Variants in LRMDA observed in about 807,000 individuals in gnomAD.
The protein encoded by LRMDA is leucine-rich melanocyte differentiation-associated protein.
Under a neutral mutation model 29.8 loss-of-function variants are expected in LRMDA, and 18 were observed. That is an observed-to-expected ratio of 0.60 (90% CI 0.42 to 0.90). LRMDA has a LOEUF of 0.90. LRMDA is among the 40% of genes least tolerant of loss of function. The pLI is 0.00. For missense variants in LRMDA, 273 were observed against 273.9 expected, an observed-to-expected ratio of 1.00 and a Z score of 0.02; for synonymous variants, 125 against 109.4, an observed-to-expected ratio of 1.14 and a Z score of -0.89.
intron 5 of LRMDA, among the ~76,000 whole-genome samples, chr10:76,150,821 A>G (rs144577135): frequency 6.6e-6 from 1 of 152,328 alleles, no homozygotes; most frequent in East Asian, 1.9e-4. Flanking sequence ...GGCAGAGCTA[A>G]TTATTAACTG....
chr10:76,389,399 G>A (rs1841697490), intron 6 of LRMDA, among the ~76,000 whole-genome samples: 1 of 152,164 alleles, frequency 6.6e-6, no homozygotes, highest in African/African-American at 2.4e-5. Context: ...TGATGTTACT[G>A]AATTGACTCT....
rs190741110 is a variant in LRMDA at position 75,925,418 on chromosome 10, G to C, written c.132-110590G>C. Among the ~76,000 whole-genome samples the C allele has an allele frequency of 2.4e-4, 36 of 152,220 alleles. No individual in the cohort carries two copies. In the East Asian group the frequency reaches 5.0e-3, roughly 21 times the overall value. On this transcript the variant is annotated intron_variant, in intron 2 of 6. Transcript: ENST00000611255. The stretch of plus-strand genomic sequence containing the variant: ...GTTGCTTGAGAGTGTTAGCGTCTGG[G>C]GGGGTTGGAATATGGCAGTTTATTG...
At chr10:75,808,910 G>A (rs1268254420) in intron 2 of LRMDA, among the ~76,000 whole-genome samples, 2 of 152,168 alleles carry the variant, frequency 1.3e-5, no homozygotes, top group African/African-American at 4.8e-5. Context: ...TGGACTCAAG[G>A]CCATCCACAG....
intron 5 of LRMDA, among the ~76,000 whole-genome samples, chr10:76,141,693 T>A (rs575256155): frequency 4.3e-4 from 66 of 152,200 alleles, no homozygotes; most frequent in African/African-American, 1.5e-3. Flanking sequence ...GGGATTATAG[T>A]CTTGTCACAA....
At chr10:75,670,743 A>G (rs1841881155) in intron 2 of LRMDA, among the ~76,000 whole-genome samples, 1 of 152,152 alleles carries the variant, frequency 6.6e-6, no homozygotes, top group African/African-American at 2.4e-5. Flanking sequence ...TAAGCAAGAG[A>G]GGAGAGGGAG....
At chr10:75,759,173 A>C (rs189423314) in intron 2 of LRMDA, among the ~76,000 whole-genome samples, 2 of 152,320 alleles carry the variant, frequency 1.3e-5, no homozygotes, top group Admixed American at 6.5e-5. Context: ...CATGGATACA[A>C]TCAGTGGTGC....
At chr10:76,006,624 C>T (rs1023123223) in intron 2 of LRMDA, among the ~76,000 whole-genome samples, 12 of 152,090 alleles carry the variant, frequency 7.9e-5, no homozygotes, top group South Asian at 2.1e-4. Flanking sequence ...ATAGACTGCT[C>T]GAAAGGCCAA....
chr10:76,258,119 G>C lies in LRMDA; in HGVS notation c.517-66282G>C, dbSNP rs573847535. 2.4e-4 allele frequency among the ~76,000 whole-genome samples: 37 copies of C among 152,326 alleles called. 1 individual carries two copies. In the South Asian group the frequency reaches 7.3e-3, roughly 30 times the overall value. On this transcript the variant is annotated intron_variant, in intron 5 of 6. Coordinates refer to ENST00000611255, the MANE Select transcript of LRMDA (RefSeq NM_001305581.2). The stretch of plus-strand genomic sequence containing the variant: ...GACTCTACCTCTTGATGGTAAAGCA[G>C]TAAGGTTACATTGCCCAGGGAAGTA...
intron 5 of LRMDA, among the ~76,000 whole-genome samples, chr10:76,166,037 G>T (rs1026895248): frequency 1.3e-5 from 2 of 152,192 alleles, no homozygotes; most frequent in African/African-American, 4.8e-5. Flanking sequence ...AGTAAACAAT[G>T]ATGGGCATTT....
chr10:76,265,295 G>C (rs1839992680), intron 5 of LRMDA, among the ~76,000 whole-genome samples: 1 of 152,126 alleles, frequency 6.6e-6, no homozygotes, highest in South Asian at 2.1e-4. Context: ...TTCTTTCTTT[G>C]AGGGCAATGT....
chr10:75,592,302 T>C (rs564283170), intron 2 of LRMDA, among the ~76,000 whole-genome samples: 2 of 152,322 alleles, frequency 1.3e-5, no homozygotes, highest in South Asian at 2.1e-4. Context: ...AGTTGATTTC[T>C]ACCCTAGACG....
Position 75,811,780 on chromosome 10 carries a change from G to C in LRMDA, c.132-224228G>C, listed in dbSNP as rs539714484. Among the ~76,000 whole-genome samples, 6 of 152,226 alleles carry C rather than the reference G, an allele frequency of 3.9e-5. No homozygotes were observed. The East Asian group carries it at 1.2e-3, about 29-fold the overall frequency. On this transcript the variant is annotated intron_variant, in intron 2 of 6. Coordinates refer to ENST00000611255, the MANE Select transcript of LRMDA (RefSeq NM_001305581.2). ...GTCCCTCCTTGGGCCTGGAACACAC[G>C]GCAAATCCACTTGCTGTGTTGGCTC...
At chr10:75,695,532 C>T (rs1003672008) in intron 2 of LRMDA, among the ~76,000 whole-genome samples, 3 of 151,986 alleles carry the variant, frequency 2.0e-5, no homozygotes, top group African/African-American at 7.3e-5. Context: ...CTGACAAGGC[C>T]TCATAAACTC....
chr10:76,387,613 A>G (rs1203858394), intron 6 of LRMDA, among the ~76,000 whole-genome samples: 1 of 152,156 alleles, frequency 6.6e-6, no homozygotes, highest in Non-Finnish European at 1.5e-5. Flanking sequence ...AAAAAAAAAA[A>G]AAGTGGTATA....
intron 6 of LRMDA, among the ~76,000 whole-genome samples, chr10:76,342,772 A>G (rs1841056803): frequency 6.6e-6 from 1 of 152,202 alleles, no homozygotes; most frequent in South Asian, 2.1e-4. Context: ...GTAGGAAAAT[A>G]TAATTTCCCA....
At chr10:76,242,655 C>A (rs746086078) in intron 5 of LRMDA, among the ~76,000 whole-genome samples, 20 of 152,156 alleles carry the variant, frequency 1.3e-4, no homozygotes, top group African/African-American at 3.9e-4. Flanking sequence ...AAGGGCCAAC[C>A]CTACTCCAGC....
rs146785992 is a variant in LRMDA, at chr10:75,886,608, G to A, written c.132-149400G>A. ...ACACCCCCTCAGTCAACCAAGTTGA[G>A]TTATAATCTGTGTGACAGTGTTTTT... On this transcript the variant is annotated intron_variant, in intron 2 of 6. Transcript: ENST00000611255. Among the ~76,000 whole-genome samples the A allele has an allele frequency of 2.0e-3, 305 of 152,298 alleles. 1 individual carries two copies. Among genetic ancestry groups the A allele is most frequent in the Non-Finnish European group, 3.4e-3 (232 of 68,030 alleles).
At chr10:75,497,175 C>T (rs1845055751) in intron 2 of LRMDA, among the ~76,000 whole-genome samples, 1 of 151,976 alleles carries the variant, frequency 6.6e-6, no homozygotes, top group Admixed American at 6.6e-5. Flanking sequence ...TTCACAGCTC[C>T]ATGGTTTCCA....
At chr10:76,503,676 A>G (rs1444130054) in intron 6 of LRMDA, among the ~76,000 whole-genome samples, 1 of 151,110 alleles carries the variant, frequency 6.6e-6, no homozygotes, top group African/African-American at 2.4e-5. Flanking sequence ...TTGTAATGTC[A>G]TCTTTGTCAC....
Sources: allele counts gnomAD v4.1 joint callset (sites outside exome capture counted in the v4.1 genomes callset), GRCh38; gene constraint gnomAD v4.1.1; transcripts MANE v1.5; gene names NCBI Gene and HGNC (gene_info 2026-07-23, HGNC 2026-07-21).